FRMD3: variants seen among roughly 807,000 people sequenced by gnomAD.
The protein encoded by FRMD3 is FERM domain containing 3.
FRMD3 carries 33 observed loss-of-function variants against 70.2 expected under a neutral mutation model. The ratio of observed to expected loss-of-function variants is 0.47; its 90% CI spans 0.36 to 0.63. The LOEUF (loss-of-function observed/expected upper bound fraction) is 0.63. Ranked by LOEUF, FRMD3 falls within the 20% of genes least tolerant of loss-of-function variation. The pLI is 0.00. For synonymous variants in FRMD3, 279 were observed against 255.9 expected (o/e 1.09, Z -0.86); for missense variants, 632 against 711.4 (o/e 0.89, Z 1.27).
At chr9:83,444,930 T>C (rs1344469025) in intron 1 of FRMD3, among the ~76,000 whole-genome samples, 1 of 152,242 alleles carries the variant, frequency 6.6e-6, no homozygotes, top group East Asian at 1.9e-4. Flanking sequence ...TGCCAAGTCA[T>C]ACAGCCTCAA....
chr9:83,272,297 G>A (rs1008714570), intron 13 of FRMD3, among the ~76,000 whole-genome samples: 1 of 151,824 alleles, frequency 6.6e-6, no homozygotes, highest in African/African-American at 2.4e-5. Context: ...TGGTGGAGAC[G>A]GGGTTTCGCT....
At chr9:83,499,908 T>G (rs556646187) in intron 1 of FRMD3, among the ~76,000 whole-genome samples, 1 of 152,186 alleles carries the variant, frequency 6.6e-6, no homozygotes, top group Admixed American at 6.5e-5. Context: ...CAATGGAATA[T>G]TGTTCAGCAA....
chr9:83,407,666 A>C (rs926424827), intron 1 of FRMD3, among the ~76,000 whole-genome samples: 1 of 152,190 alleles, frequency 6.6e-6, no homozygotes, highest in Non-Finnish European at 1.5e-5. Flanking sequence ...ATAGGAGCAA[A>C]AACCAATAAG....
intron 1 of FRMD3, among the ~76,000 whole-genome samples, chr9:83,413,881 C>T (rs938048284): frequency 3.9e-5 from 6 of 152,030 alleles, no homozygotes; most frequent in Non-Finnish European, 7.4e-5. Flanking sequence ...AGAATGTAGC[C>T]AGGCATTGTC....
In FRMD3 at chr9:83,248,122, C is replaced by A. The variant is rs777257974; in HGVS notation, c.1590G>T (p.Arg530Ser). ...RVNPLVKSFS[R>S]LLVVGLGLLL... Reference sequence around the variant, plus strand: ...GCAGTCCCAGGCCCACCACAAGGAGCCTGGAAAAACTCTTGACCAGTGGGT... The same window carrying A: ...GCAGTCCCAGGCCCACCACAAGGAGACTGGAAAAACTCTTGACCAGTGGGT... Residue 530 changes from arginine (R) to serine (S), a missense_variant, in exon 14 of 14, where the codon AGG becomes AGT. Arg to Ser is a moderately radical substitution (Grantham distance 110). Coordinates refer to ENST00000304195, the MANE Select transcript of FRMD3 (RefSeq NM_174938.6). 1.9e-6 allele frequency: 3 copies of A among 1,614,132 alleles called. No individual in the cohort carries two copies. Among genetic ancestry groups the A allele is most frequent in the South Asian group, 1.1e-5 (1 of 91,078 alleles).
intron 1 of FRMD3, among the ~76,000 whole-genome samples, chr9:83,414,002 T>C (rs1054428413): frequency 6.6e-6 from 1 of 152,184 alleles, no homozygotes; most frequent in African/African-American, 2.4e-5. Context: ...GAAATTCCCT[T>C]TTTGCTTCAG....
intron 1 of FRMD3, among the ~76,000 whole-genome samples, chr9:83,528,517 G>A (rs948670832): frequency 6.6e-6 from 1 of 151,774 alleles, no homozygotes; most frequent in Non-Finnish European, 1.5e-5. Flanking sequence ...TTCAGTAAAT[G>A]GACAGTCACC....
In FRMD3 at chr9:83,245,141, A is replaced by G. The variant is rs1587603176; in HGVS notation, c.*2777T>C. The G allele has an allele frequency of 1.2e-5, 12 of 985,350 alleles. No individual in the cohort carries two copies. The highest frequency in any genetic ancestry group is 1.4e-5 in the Non-Finnish European group (12 of 829,844). The allele number at this position is 985,350 out of a possible 1,614,324, so 61.0% of individuals were successfully genotyped here. ...CAATTAGGGCAAAATAAGCACAATT[A>G]TGCATGAGGGGCATATATGTTGTGT... On this transcript the variant is annotated 3_prime_UTR_variant, in exon 14 of 14. Transcript: ENST00000304195.
At chr9:83,531,857 A>G (rs58891817) in intron 1 of FRMD3, among the ~76,000 whole-genome samples, 2,877 of 152,282 alleles carry the variant, frequency 0.019, 84 homozygotes, top group African/African-American at 0.065. Flanking sequence ...AACACAGTGG[A>G]GACTGGCAGT....
intron 6 of FRMD3, among the ~76,000 whole-genome samples, chr9:83,329,099 C>T (rs910104274): frequency 1.6e-4 from 24 of 152,146 alleles, no homozygotes; most frequent in African/African-American, 5.6e-4. Context: ...TGGACATGCA[C>T]ACCACTTGCC....
At chr9:83,518,688 T>C (rs1829504731) in intron 1 of FRMD3, among the ~76,000 whole-genome samples, 1 of 149,336 alleles carries the variant, frequency 6.7e-6, no homozygotes, top group African/African-American at 2.5e-5. Context: ...GTTAAGACAA[T>C]TCTAAGCAAA....
intron 1 of FRMD3, among the ~76,000 whole-genome samples, chr9:83,503,858 A>G (rs564542839): frequency 3.3e-5 from 5 of 152,320 alleles, no homozygotes; most frequent in African/African-American, 1.2e-4. Context: ...CATGGACAGA[A>G]AAGGCACAAC....
At position 83,436,703 on chromosome 9, in the gene FRMD3, C is replaced by T. The variant is rs555290632; in HGVS notation, c.148-46995G>A. On this transcript the variant is annotated intron_variant, in intron 1 of 13. Coordinates refer to ENST00000304195, the MANE Select transcript of FRMD3 (RefSeq NM_174938.6). The stretch of plus-strand genomic sequence containing the variant: ...AATACAATTTTGCTTTTAAATTATG[C>T]CATCCCAAAAATAACCATTCCATTT... Among the ~76,000 whole-genome samples, 3 of 151,258 alleles carry T rather than the reference C, an allele frequency of 2.0e-5. No individual in the cohort carries two copies. In the East Asian group the frequency reaches 5.8e-4, roughly 29 times the overall value.
At position 83,311,989 on chromosome 9, in the gene FRMD3, A is replaced by G. The variant is rs570484653; in HGVS notation, c.685-14T>C. 2.7e-5 allele frequency: 41 copies of G among 1,544,084 alleles called. No homozygotes were observed. Among genetic ancestry groups the G allele is most frequent in the South Asian group, 6.0e-5 (5 of 83,084 alleles). ...GCCTGTTGAATCCTGAAAAAAAAAA[A>G]AAAGAAAAAAGAAAAATCTGTTTAG... On this transcript the variant is annotated splice_polypyrimidine_tract_variant and intron_variant, in intron 7 of 13. Coordinates refer to ENST00000304195, the MANE Select transcript of FRMD3 (RefSeq NM_174938.6).
At chr9:83,386,028 A>G (rs1825501799) in intron 2 of FRMD3, among the ~76,000 whole-genome samples, 2 of 152,160 alleles carry the variant, frequency 1.3e-5, no homozygotes, top group Non-Finnish European at 2.9e-5. Flanking sequence ...AATAACACAT[A>G]CCAGATACTC....
intron 1 of FRMD3, among the ~76,000 whole-genome samples, chr9:83,461,991 A>G (rs1428078333): frequency 6.6e-6 from 1 of 152,080 alleles, no homozygotes; most frequent in Admixed American, 6.6e-5. Flanking sequence ...CCTGGCAGCA[A>G]TTTCTCAAAG....
rs150094340 is a variant in FRMD3, at chr9:83,375,498, T to C, written c.253-2543A>G. 8.4e-3 allele frequency among the ~76,000 whole-genome samples: 1,273 copies of C among 152,338 alleles called. 17 individuals carry two copies. The highest frequency in any genetic ancestry group is 0.029 in the African/African-American group (1,209 of 41,584). Reference sequence around the variant, plus strand: ...TCCCCAAAGGGAGAGTCATGAGGTATGCAGTCCTAGGAAAAATAAGCCAGC... The same window carrying C: ...TCCCCAAAGGGAGAGTCATGAGGTACGCAGTCCTAGGAAAAATAAGCCAGC... On this transcript the variant is annotated intron_variant, in intron 2 of 13. Coordinates refer to ENST00000304195, the MANE Select transcript of FRMD3 (RefSeq NM_174938.6).
intron 10 of FRMD3, among the ~76,000 whole-genome samples, chr9:83,300,822 G>C (rs1834893275): frequency 6.6e-6 from 1 of 152,170 alleles, no homozygotes; most frequent in Middle Eastern, 3.2e-3. Flanking sequence ...GTACGAAGGA[G>C]AATAAGGCAA....
chr9:83,292,399 A>T (rs934819457), intron 12 of FRMD3, among the ~76,000 whole-genome samples: 3 of 152,040 alleles, frequency 2.0e-5, no homozygotes, highest in African/African-American at 7.2e-5. Context: ...TGACCTCATG[A>T]TCTGCCCATC....
Sources: gnomAD v4.1 joint callset for allele counts (sites outside exome capture counted in the v4.1 genomes callset) on GRCh38, gnomAD v4.1.1 for gene constraint, MANE v1.5 for transcripts, NCBI Gene and HGNC (gene_info 2026-07-23, HGNC 2026-07-21) for gene names.